Variants in KRAS observed in about 807,000 individuals in gnomAD.
KRAS encodes the protein GTPase KRas.
KRAS carries 1 observed loss-of-function variant against 21.0 expected under a neutral mutation model. The ratio of observed to expected loss-of-function variants is 0.05; its 90% CI spans 0.02 to 0.23. The LOEUF is 0.23. Among genes scored for constraint, KRAS ranks in the 10% least tolerant of loss-of-function variants. The pLI is 1.00. For synonymous variants in KRAS, 67 were observed against 72.5 expected, an observed-to-expected ratio of 0.92 and a Z score of 0.39; for missense variants, 107 against 221.8, an observed-to-expected ratio of 0.48 and a Z score of 3.29.
intron 4 of KRAS, among the ~76,000 whole-genome samples, chr12:25,220,495 G>A (rs1225760942): frequency 2.0e-5 from 3 of 151,916 alleles, no homozygotes; most frequent in South Asian, 2.1e-4. Context: ...TTGGGAGGCC[G>A]AGACGGGCAG....
chr12:25,227,424 G>A lies in KRAS; in HGVS notation c.112-12C>T, dbSNP rs202104024. Reference sequence around the variant, plus strand: ...TTCCTGTAGGAATCCTGAGAAGGGAGAAACACAGTCTGGATTATTACAGTG... The same window carrying A: ...TTCCTGTAGGAATCCTGAGAAGGGAAAAACACAGTCTGGATTATTACAGTG... On this transcript the variant is annotated splice_polypyrimidine_tract_variant and intron_variant, in intron 2 of 4. Transcript: ENST00000311936. 2.2e-5 allele frequency: 35 copies of A among 1,612,992 alleles called. No individual in the cohort carries two copies. The highest frequency in any genetic ancestry group is 1.6e-4 in the Middle Eastern group (1 of 6,074).
rs970124785 is a variant in KRAS at position 25,225,428 on chromosome 12, C to T, written c.450+186G>A. On this transcript the variant is annotated intron_variant, in intron 4 of 4. Coordinates refer to ENST00000311936, the MANE Select transcript of KRAS (RefSeq NM_004985.5). ...AGAAATTTTCAATGTAGAAAGAAAC[C>T]AAAGCCAAAAGCAGTACCATGGACA... 5.6e-6 allele frequency: 3 copies of T among 534,398 alleles called. No homozygotes were observed. The East Asian group carries it at 9.8e-5, about 17-fold the overall frequency. The allele number at this position is 534,398 out of a possible 1,614,324, so 33.1% of individuals were successfully genotyped here.
Position 25,209,223 on chromosome 12 carries a change from C to T in KRAS, c.*572G>A. ...AAATATAATATTTTGGGGAGAGTGA[C>T]CATGACTAATAGCAGTGGAAAGGAG... On this transcript the variant is annotated 3_prime_UTR_variant, in exon 5 of 5. Coordinates refer to ENST00000311936, the MANE Select transcript of KRAS (RefSeq NM_004985.5). The T allele has an allele frequency of 1.5e-6, 1 of 681,568 alleles. No homozygotes were observed. Among genetic ancestry groups the T allele is most frequent in the Non-Finnish European group, 2.7e-6 (1 of 374,754 alleles). 42.2% of individuals were successfully genotyped at this position (681,568 alleles called of 1,614,324 possible).
intron 2 of KRAS, among the ~76,000 whole-genome samples, chr12:25,241,441 T>C (rs773998532): frequency 1.3e-5 from 2 of 152,184 alleles, no homozygotes; most frequent in Non-Finnish European, 2.9e-5. Context: ...TTGCTGTGTG[T>C]CTCTGATTTT....
At chr12:25,223,649 A>G (rs865782985) in intron 4 of KRAS, among the ~76,000 whole-genome samples, 2 of 152,330 alleles carry the variant, frequency 1.3e-5, no homozygotes, top group African/African-American at 4.8e-5. Context: ...TCAAATTTGT[A>G]TAACTAGGAA....
intron 2 of KRAS, 125 bp from the exon 3 acceptor site, chr12:25,227,537 T>G: frequency 2.5e-6 from 2 of 793,808 alleles, no homozygotes; most frequent in Admixed American, 4.4e-5. Flanking sequence ...AAAGACATTG[T>G]TCCTGCTCCA....
At chr12:25,246,583 TAGAG>T (rs1417509058) in intron 1 of KRAS, among the ~76,000 whole-genome samples, 2 of 150,252 alleles carry the variant, frequency 1.3e-5, no homozygotes, top group Non-Finnish European at 3.0e-5. Context: ...ACAAAAAGAT[TAGAG>T]ATAAACACTG....
At chr12:25,236,262 A>G (rs986230336) in intron 2 of KRAS, among the ~76,000 whole-genome samples, 3 of 152,146 alleles carry the variant, frequency 2.0e-5, no homozygotes, top group African/African-American at 7.2e-5. Context: ...AGGAAGGGAG[A>G]TCAGATTCAT....
chr12:25,239,603 G>A (rs1041671045), intron 2 of KRAS, among the ~76,000 whole-genome samples: 2 of 152,170 alleles, frequency 1.3e-5, no homozygotes, highest in Non-Finnish European at 2.9e-5. Context: ...AAACAGGGTA[G>A]AACCAGGGTT....
chr12:25,209,057 C>A lies in KRAS; in HGVS notation c.*738G>T, dbSNP rs1355212925. The A allele has an allele frequency of 9.8e-6, 4 of 409,382 alleles. No homozygotes were observed. Among genetic ancestry groups the A allele is most frequent in the East Asian group, 3.5e-5 (1 of 28,504 alleles). 25.4% of individuals were successfully genotyped at this position (409,382 alleles called of 1,614,324 possible). ...GCCCCAAAATGGTTGCTATAATAAT[C>A]CCCATTTCATACTGGGTCTGCCTTA... On this transcript the variant is annotated 3_prime_UTR_variant, in exon 5 of 5. Transcript: ENST00000311936.
intron 2 of KRAS, among the ~76,000 whole-genome samples, chr12:25,228,708 T>C (rs1351101411): frequency 1.3e-5 from 2 of 152,180 alleles, no homozygotes; most frequent in African/African-American, 2.4e-5. Flanking sequence ...TTAGACAACA[T>C]GGTGATGGTT....
chr12:25,208,655 T>C lies in KRAS; in HGVS notation c.*1140A>G, dbSNP rs61764365. 1.2e-3 allele frequency: 286 copies of C among 232,794 alleles called. 2 individuals carry two copies. The highest frequency in any genetic ancestry group is 5.8e-3 in the African/African-American group (263 of 45,416). 14.4% of individuals were successfully genotyped at this position (232,794 alleles called of 1,614,324 possible). On this transcript the variant is annotated 3_prime_UTR_variant, in exon 5 of 5. Transcript: ENST00000311936. ...TCAGCAGGACCACCACAGAGTGAGA[T>C]TGTATCTTGTTGAGCTATCCAAACT...
chr12:25,223,114 C>T (rs1388756200), intron 4 of KRAS, among the ~76,000 whole-genome samples: 1 of 152,140 alleles, frequency 6.6e-6, no homozygotes, highest in East Asian at 1.9e-4. Flanking sequence ...TTTACTGCAA[C>T]CCCTTAAAAC....
intron 4 of KRAS, among the ~76,000 whole-genome samples, chr12:25,220,264 G>A (rs1951304392): frequency 6.6e-6 from 1 of 152,144 alleles, no homozygotes; most frequent in African/African-American, 2.4e-5. Flanking sequence ...TTATACACTA[G>A]GAACATAGGG....
At chr12:25,241,550 T>C (rs1308154340) in intron 2 of KRAS, among the ~76,000 whole-genome samples, 3 of 152,210 alleles carry the variant, frequency 2.0e-5, no homozygotes, top group African/African-American at 7.2e-5. Flanking sequence ...AAATCTAACA[T>C]AAACCTTATG....
intron 4 of KRAS, among the ~76,000 whole-genome samples, chr12:25,217,378 AT>A (rs1951267508): frequency 6.6e-6 from 1 of 152,204 alleles, no homozygotes. Context: ...TTTAATTTAA[AT>A]TCATAATGTT....
chr12:25,223,636 A>G (rs185261337), intron 4 of KRAS, among the ~76,000 whole-genome samples: 181 of 152,336 alleles, frequency 1.2e-3, no homozygotes, highest in Non-Finnish European at 1.8e-3. Flanking sequence ...TCTTTACTAT[A>G]TATCAAATTT....
rs1433486762 is a variant in KRAS, at chr12:25,206,526, T to G, written c.*3269A>C. 9 of 165,534 alleles carry G rather than the reference T, an allele frequency of 5.4e-5. No individual in the cohort carries two copies. Among genetic ancestry groups the G allele is most frequent in the African/African-American group, 2.3e-4 (9 of 38,892 alleles). The allele number at this position is 165,534 out of a possible 1,614,324, so 10.3% of individuals were successfully genotyped here. On this transcript the variant is annotated 3_prime_UTR_variant, in exon 5 of 5. Coordinates refer to ENST00000311936, the MANE Select transcript of KRAS (RefSeq NM_004985.5). ...AAACCATTCAAAGTTCACATAAAGGTAATTAACCACTACCTTAAAAAAATG... is the reference window on the plus strand; with the variant it reads ...AAACCATTCAAAGTTCACATAAAGGGAATTAACCACTACCTTAAAAAAATG...
rs1859823982 is a variant in KRAS at position 25,207,943 on chromosome 12, A to G, written c.*1852T>C. 3 of 233,162 alleles carry G rather than the reference A, an allele frequency of 1.3e-5. No homozygotes were observed. The highest frequency in any genetic ancestry group is 2.5e-5 in the Non-Finnish European group (3 of 118,058). The allele number at this position is 233,162 out of a possible 1,614,324, so 14.4% of individuals were successfully genotyped here. Reference sequence around the variant, plus strand: ...GGGGAATTACAAGTATTAAAACTGCATCAAGTCATGGGGCATGTGGAAGGT... The same window carrying G: ...GGGGAATTACAAGTATTAAAACTGCGTCAAGTCATGGGGCATGTGGAAGGT... On this transcript the variant is annotated 3_prime_UTR_variant, in exon 5 of 5. Coordinates refer to ENST00000311936, the MANE Select transcript of KRAS (RefSeq NM_004985.5).
Sources: allele counts gnomAD v4.1 joint callset (sites outside exome capture counted in the v4.1 genomes callset), GRCh38; gene constraint gnomAD v4.1.1; transcripts MANE v1.5; gene names NCBI Gene and HGNC (gene_info 2026-07-23, HGNC 2026-07-21).